CADM1: variants seen among roughly 807,000 people sequenced by gnomAD.
The protein encoded by CADM1 is cell adhesion molecule 1, also known as TSLC-1.
In CADM1, 15 loss-of-function variants were observed where a neutral mutation model predicts 53.1. That is an observed-to-expected ratio of 0.28 (90% CI 0.19 to 0.44). The LOEUF is 0.44. CADM1 is among the 20% of genes least tolerant of loss of function. The pLI, the probability that CADM1 is intolerant of heterozygous loss-of-function variation, is 1.00. For missense variants in CADM1, 434 were observed against 611.3 expected (o/e 0.71, Z 3.06); for synonymous variants, 281 against 243.0 (o/e 1.16, Z -1.45).
At chr11:115,341,231 T>G (rs1044635757) in intron 1 of CADM1, among the ~76,000 whole-genome samples, 1 of 152,188 alleles carries the variant, frequency 6.6e-6, no homozygotes, top group African/African-American at 2.4e-5. Flanking sequence ...AAATATTTCT[T>G]GAGTATATTT....
chr11:115,242,324 A>G (rs1372163425), intron 1 of CADM1, among the ~76,000 whole-genome samples: 2 of 151,400 alleles, frequency 1.3e-5, no homozygotes, highest in African/African-American at 4.9e-5. Context: ...CAACAAAGAG[A>G]AAAGGTGATC....
chr11:115,195,074 A>T (rs929594316), intron 9 of CADM1, among the ~76,000 whole-genome samples: 5 of 152,220 alleles, frequency 3.3e-5, no homozygotes, highest in African/African-American at 1.2e-4. Flanking sequence ...AAAAACACAA[A>T]TGCTCAAGAT....
At chr11:115,343,824 A>G (rs1945508581) in intron 1 of CADM1, among the ~76,000 whole-genome samples, 2 of 151,856 alleles carry the variant, frequency 1.3e-5, no homozygotes, top group Admixed American at 6.6e-5. Flanking sequence ...TCTCTGTGAT[A>G]TTGGGCAAAA....
chr11:115,411,528 A>C (rs528554344), intron 1 of CADM1, among the ~76,000 whole-genome samples: 59 of 152,346 alleles, frequency 3.9e-4, no homozygotes, highest in African/African-American at 1.4e-3. Context: ...TGCCACATGA[A>C]ATCTAAACAG....
chr11:115,443,041 CTTA>C (rs1948359403), intron 1 of CADM1, among the ~76,000 whole-genome samples: 1 of 152,186 alleles, frequency 6.6e-6, no homozygotes, highest in Non-Finnish European at 1.5e-5. Flanking sequence ...AAAATGTTGC[CTTA>C]TTGTTTATAA....
At chr11:115,255,982 G>A (rs561518444) in intron 1 of CADM1, among the ~76,000 whole-genome samples, 1 of 152,314 alleles carries the variant, frequency 6.6e-6, no homozygotes, top group South Asian at 2.1e-4. Context: ...CCCTTAGTGG[G>A]GTCTGTCAGT....
chr11:115,392,423 T>C (rs1486618722), intron 1 of CADM1, among the ~76,000 whole-genome samples: 1 of 151,992 alleles, frequency 6.6e-6, no homozygotes, highest in Admixed American at 6.6e-5. Context: ...ATAGGACATA[T>C]AAAGGCTTAT....
At chr11:115,254,380 G>T (rs1942705653) in intron 1 of CADM1, among the ~76,000 whole-genome samples, 1 of 151,610 alleles carries the variant, frequency 6.6e-6, no homozygotes, top group African/African-American at 2.4e-5. Context: ...AAGGGTTTTT[G>T]CTTTCAAAAT....
chr11:115,201,927 C>T (rs991582672), intron 8 of CADM1, among the ~76,000 whole-genome samples: 7 of 152,084 alleles, frequency 4.6e-5, no homozygotes, highest in East Asian at 1.9e-4. Flanking sequence ...TAAGTGTGTA[C>T]GGTCTTAACA....
At chr11:115,184,873 G>C (rs1474030855) in intron 10 of CADM1, among the ~76,000 whole-genome samples, 1 of 152,202 alleles carries the variant, frequency 6.6e-6, no homozygotes, top group Admixed American at 6.5e-5. Flanking sequence ...AGGACTCAGG[G>C]CTCTCTTAGA....
chr11:115,369,248 A>G lies in CADM1; in HGVS notation c.125-128828T>C, dbSNP rs138785732. Among the ~76,000 whole-genome samples the G allele has an allele frequency of 2.8e-4, 42 of 152,132 alleles. No homozygotes were observed. In the East Asian group the frequency reaches 6.4e-3, roughly 23 times the overall value. On this transcript the variant is annotated intron_variant, in intron 1 of 11. Coordinates refer to ENST00000331581, the MANE Select transcript of CADM1 (RefSeq NM_001301043.2). ...AATTTCCACAGCACCTTCTTTGCCT[A>G]TATCTCCAAGGGCACCTTCATATAT...
chr11:115,305,875 T>C (rs1317665924), intron 1 of CADM1, among the ~76,000 whole-genome samples: 1 of 124,482 alleles, frequency 8.0e-6, no homozygotes, highest in African/African-American at 3.2e-5. Context: ...TATGCCAGCC[T>C]GGGCTACAGA....
In CADM1 at chr11:115,188,065, C is replaced by T. The variant is rs186289953; in HGVS notation, c.1165+2823G>A. On this transcript the variant is annotated intron_variant, in intron 10 of 11. Coordinates refer to ENST00000331581, the MANE Select transcript of CADM1 (RefSeq NM_001301043.2). Reference sequence around the variant, plus strand: ...TGCTGGAGGGCCATTTTCTGGCACACTGTATATTTACCACCTCACTCCACT... The same window carrying T: ...TGCTGGAGGGCCATTTTCTGGCACATTGTATATTTACCACCTCACTCCACT... 6.1e-4 allele frequency among the ~76,000 whole-genome samples: 93 copies of T among 152,286 alleles called. 1 individual carries two copies. The highest frequency in any genetic ancestry group is 2.1e-3 in the African/African-American group (88 of 41,546).
At chr11:115,501,051 C>T (rs916283535) in intron 1 of CADM1, among the ~76,000 whole-genome samples, 1 of 152,206 alleles carries the variant, frequency 6.6e-6, no homozygotes, top group African/African-American at 2.4e-5. Context: ...ACTGCCTGCT[C>T]TTTTATTCCC....
intron 1 of CADM1, among the ~76,000 whole-genome samples, chr11:115,312,164 T>A (rs1331408016): frequency 6.6e-6 from 1 of 152,150 alleles, no homozygotes; most frequent in East Asian, 1.9e-4. Context: ...CTATAATAAG[T>A]GAGCCGGGAA....
At chr11:115,360,567 T>C (rs1053361517) in intron 1 of CADM1, among the ~76,000 whole-genome samples, 5 of 152,230 alleles carry the variant, frequency 3.3e-5, no homozygotes, top group African/African-American at 7.2e-5. Flanking sequence ...CAAAGCCAGA[T>C]ACATTTCCTG....
chr11:115,349,240 A>G (rs1945662073), intron 1 of CADM1, among the ~76,000 whole-genome samples: 1 of 152,254 alleles, frequency 6.6e-6, no homozygotes, highest in Non-Finnish European at 1.5e-5. Flanking sequence ...GGATGTCAGA[A>G]AAATATACTT....
intron 1 of CADM1, among the ~76,000 whole-genome samples, chr11:115,413,252 T>C (rs1947502206): frequency 6.6e-6 from 1 of 152,178 alleles, no homozygotes; most frequent in Non-Finnish European, 1.5e-5. Flanking sequence ...ACAGCAAACT[T>C]AGGTTTTTCC....
intron 8 of CADM1, among the ~76,000 whole-genome samples, chr11:115,200,198 ACAAGT>A (rs1314434104): frequency 1.3e-5 from 2 of 152,220 alleles, no homozygotes; most frequent in East Asian, 1.9e-4. Flanking sequence ...CAAAATACTT[ACAAGT>A]CAAGTCTGTG....
Sources: allele counts gnomAD v4.1 joint callset (sites outside exome capture counted in the v4.1 genomes callset), GRCh38; gene constraint gnomAD v4.1.1; transcripts MANE v1.5; gene names NCBI Gene and HGNC (gene_info 2026-07-23, HGNC 2026-07-21).